Variants in ELMO1 observed in about 807,000 individuals in gnomAD.
ELMO1 encodes the protein engulfment and cell motility 1.
ELMO1 carries 26 observed loss-of-function variants against 98.9 expected under a neutral mutation model. The observed-to-expected ratio is 0.26, with a 90% confidence interval of 0.19 to 0.36. The LOEUF (loss-of-function observed/expected upper bound fraction) is 0.36, where lower values mean the gene tolerates loss of function less well. ELMO1 is among the 10% of genes least tolerant of loss of function. The probability of loss-of-function intolerance (pLI) is 1.00; values close to 1 mark genes in which losing one functional copy is unlikely to be tolerated. For missense variants in ELMO1, 627 were observed against 935.2 expected (o/e 0.67, Z 4.30); for synonymous variants, 346 against 346.0 (o/e 1.00, Z 0.00).
chr7:37,332,940 G>T (rs62459351), intron 2 of ELMO1, among the ~76,000 whole-genome samples: 2,462 of 152,260 alleles, frequency 0.016, 24 homozygotes, highest in Non-Finnish European at 0.025. Context: ...AGCAGTGGCG[G>T]CTAGGACGGA....
At chr7:37,135,613 C>T (rs1281507662) in intron 13 of ELMO1, among the ~76,000 whole-genome samples, 3 of 152,044 alleles carry the variant, frequency 2.0e-5, no homozygotes, top group Admixed American at 6.6e-5. Flanking sequence ...GTGGCTAGAC[C>T]CAGAAGAGCA....
chr7:37,076,049 G>A (rs955139798), intron 15 of ELMO1, among the ~76,000 whole-genome samples: 10 of 152,180 alleles, frequency 6.6e-5, no homozygotes, highest in African/African-American at 2.4e-4. Flanking sequence ...CCAGTACACA[G>A]GCAGATGAAT....
chr7:37,168,631 A>G (rs1240146833), intron 13 of ELMO1, among the ~76,000 whole-genome samples: 1 of 152,128 alleles, frequency 6.6e-6, no homozygotes, highest in African/African-American at 2.4e-5. Context: ...GGGTATCAGC[A>G]GCGGTGTTTG....
chr7:37,000,276 C>T (rs766459719), intron 16 of ELMO1, among the ~76,000 whole-genome samples: 12 of 152,170 alleles, frequency 7.9e-5, no homozygotes, highest in Admixed American at 7.2e-4. Context: ...GACAGAATCC[C>T]GTGCTCTGTG....
chr7:36,862,112 A>AAAAC (rs57602967), intron 20 of ELMO1: 9,746 of 220,320 alleles, frequency 0.044, 332 homozygotes, highest in Admixed American at 0.067. Flanking sequence ...AGAGGCCACA[A>AAAAC]AAACAAACAA....
chr7:37,236,063 T>C (rs1467247620), intron 7 of ELMO1, among the ~76,000 whole-genome samples: 1 of 152,218 alleles, frequency 6.6e-6, no homozygotes, highest in Non-Finnish European at 1.5e-5. Flanking sequence ...ATAAAGTATA[T>C]TTATGTTCTC....
intron 4 of ELMO1, among the ~76,000 whole-genome samples, chr7:37,311,393 G>A (rs763411985): frequency 4.6e-5 from 7 of 151,846 alleles, no homozygotes; most frequent in Non-Finnish European, 7.4e-5. Flanking sequence ...GACAGAGACA[G>A]TCTCATATAT....
intron 14 of ELMO1, among the ~76,000 whole-genome samples, chr7:37,107,328 C>T (rs537234301): frequency 6.6e-6 from 1 of 152,226 alleles, no homozygotes; most frequent in East Asian, 1.9e-4. Context: ...AATGGGCAGA[C>T]GGGGCTTCAT....
At chr7:37,442,285 AC>A (rs1425840055) in intron 1 of ELMO1, among the ~76,000 whole-genome samples, 1 of 152,230 alleles carries the variant, frequency 6.6e-6, no homozygotes, top group Non-Finnish European at 1.5e-5. Context: ...TAGAAAAAGA[AC>A]CGTACAAGTA....
intron 1 of ELMO1, among the ~76,000 whole-genome samples, chr7:37,427,094 A>G (rs1804741534): frequency 6.6e-6 from 1 of 152,174 alleles, no homozygotes. Flanking sequence ...AGTAGTTCAG[A>G]CCACAAGGGG....
chr7:36,990,143 A>G (rs1177277669), intron 16 of ELMO1, among the ~76,000 whole-genome samples: 1 of 152,148 alleles, frequency 6.6e-6, no homozygotes, highest in Non-Finnish European at 1.5e-5. Context: ...TTTGCATGGG[A>G]TCTTGTCCAG....
At chr7:37,083,893 C>T (rs1783616040) in intron 15 of ELMO1, among the ~76,000 whole-genome samples, 1 of 152,180 alleles carries the variant, frequency 6.6e-6, no homozygotes, top group Non-Finnish European at 1.5e-5. Context: ...CTCTCGGAGT[C>T]CTCACTGGAG....
chr7:37,024,007 A>C (rs1162038333), intron 15 of ELMO1, among the ~76,000 whole-genome samples: 1 of 152,132 alleles, frequency 6.6e-6, no homozygotes, highest in African/African-American at 2.4e-5. Flanking sequence ...CGTTTCTTTC[A>C]AATCATCTCC....
intron 11 of ELMO1, among the ~76,000 whole-genome samples, chr7:37,215,006 A>G (rs1793200790): frequency 6.6e-6 from 1 of 152,206 alleles, no homozygotes; most frequent in Admixed American, 6.5e-5. Flanking sequence ...CTGCTTCTAC[A>G]TTTACTGAGA....
chr7:36,903,789 C>T (rs1382699600), intron 16 of ELMO1, among the ~76,000 whole-genome samples: 3 of 152,240 alleles, frequency 2.0e-5, no homozygotes, highest in Non-Finnish European at 2.9e-5. Context: ...ATGTGACTTA[C>T]AGATGCCAAC....
intron 13 of ELMO1, among the ~76,000 whole-genome samples, chr7:37,168,558 C>A (rs932460122): frequency 4.6e-5 from 7 of 152,160 alleles, no homozygotes; most frequent in Non-Finnish European, 1.0e-4. Flanking sequence ...TTCTAACAGA[C>A]AGGACCCTCA....
intron 18 of ELMO1, among the ~76,000 whole-genome samples, chr7:36,882,884 C>G (rs1417361406): frequency 4.6e-5 from 7 of 152,210 alleles, no homozygotes; most frequent in Admixed American, 2.0e-4. Context: ...ATGTATTATT[C>G]TGACCTATTG....
chr7:37,448,165 C>T (rs1562699017), intron 1 of ELMO1, among the ~76,000 whole-genome samples: 1 of 151,954 alleles, frequency 6.6e-6, no homozygotes, highest in African/African-American at 2.4e-5. Context: ...GGGATTCCCT[C>T]CCATCCCCGA....
intron 1 of ELMO1, among the ~76,000 whole-genome samples, chr7:37,374,323 G>A (rs943842409): frequency 1.3e-5 from 2 of 152,024 alleles, no homozygotes; most frequent in Admixed American, 1.3e-4. Context: ...AACTATATTA[G>A]CATCCAGCTC....
Sources: gnomAD v4.1 joint callset for allele counts (sites outside exome capture counted in the v4.1 genomes callset) on GRCh38, gnomAD v4.1.1 for gene constraint, MANE v1.5 for transcripts, NCBI Gene and HGNC (gene_info 2026-07-23, HGNC 2026-07-21) for gene names.